The following LARGE1 variants were observed in gnomAD, a reference collection of about 807,000 sequenced individuals.
LARGE1 encodes the protein LARGE xylosyl- and glucuronyltransferase 1, also known as xylosyl- and glucuronyltransferase LARGE1.
A neutral mutation model predicts 87.6 loss-of-function variants in LARGE1; 43 were observed. The ratio of observed to expected loss-of-function variants is 0.49; its 90% CI spans 0.38 to 0.63. The LOEUF (loss-of-function observed/expected upper bound fraction) is 0.63, where lower values mean the gene tolerates loss of function less well. Ranked by LOEUF, LARGE1 falls within the 30% of genes least tolerant of loss-of-function variation. The pLI, the probability that LARGE1 is intolerant of heterozygous loss-of-function variation, is 0.00. For synonymous variants in LARGE1, 434 were observed against 394.6 expected (o/e 1.10, Z -1.18); for missense variants, 802 against 1,000.2 (o/e 0.80, Z 2.67).
At chr22:33,533,936 C>T (rs2076967975) in intron 6 of LARGE1, among the ~76,000 whole-genome samples, 1 of 149,058 alleles carries the variant, frequency 6.7e-6, no homozygotes. Flanking sequence ...TTGACTGTTT[C>T]CTATCCATTT....
At chr22:33,142,296 C>T in the LARGE1 span, among the ~76,000 whole-genome samples, 2 of 152,156 alleles carry the variant, frequency 1.3e-5, no homozygotes, top group African/African-American at 4.8e-5. Flanking sequence ...ACCTTCCAGA[C>T]CACAATGGAT....
At position 33,362,946 on chromosome 22, in the gene LARGE1, C is replaced by A. The variant is rs529798618; in HGVS notation, c.1131+18973G>T. Among the ~76,000 whole-genome samples the A allele has an allele frequency of 2.0e-5, 3 of 150,168 alleles. No homozygotes were observed. In the East Asian group the frequency reaches 5.8e-4, roughly 29 times the overall value. Reference sequence around the variant, plus strand: ...AGAAGATGCATGAGGGTGGTTTATGCAAGATAATACAGCACTCAATTAGCA... The same window carrying A: ...AGAAGATGCATGAGGGTGGTTTATGAAAGATAATACAGCACTCAATTAGCA... On this transcript the variant is annotated intron_variant, in intron 9 of 14. Coordinates refer to ENST00000397394, the MANE Select transcript of LARGE1 (RefSeq NM_133642.5).
chr22:33,403,949 T>C (rs80033636), intron 7 of LARGE1, among the ~76,000 whole-genome samples: 7,343 of 152,294 alleles, frequency 0.048, 258 homozygotes, highest in Non-Finnish European at 0.067. Flanking sequence ...AAAATAGTTA[T>C]GATGATATTA....
intron 5 of LARGE1, among the ~76,000 whole-genome samples, chr22:33,603,652 G>A (rs1165113130): frequency 1.3e-5 from 2 of 152,174 alleles, no homozygotes; most frequent in East Asian, 3.9e-4. Flanking sequence ...CTCAAACACA[G>A]AAGAGGGGGC....
chr22:33,364,059 A>AT lies in LARGE1; in HGVS notation c.1131+17859dup, dbSNP rs11330217. On this transcript the variant is annotated intron_variant, in intron 9 of 14. Transcript: ENST00000397394. ...TGGTCAAAGTGCATCTTTGCTATATATTTTTTTTTTTTTGAGACGGAGTCT... is the reference window on the plus strand; with the variant it reads ...TGGTCAAAGTGCATCTTTGCTATATATTTTTTTTTTTTTTGAGACGGAGTCT... Among the ~76,000 whole-genome samples, 98 of 140,280 alleles carry AT rather than the reference A, an allele frequency of 7.0e-4. 2 individuals are homozygous for AT. The highest frequency in any genetic ancestry group is 9.5e-4 in the South Asian group (4 of 4,200). The allele number at this position is 140,280 out of a possible 152,430, so 92.0% of individuals were successfully genotyped here. A position where few individuals can be genotyped will look rare whatever the true frequency, so the allele number is the denominator to read the frequency against.
intron 2 of LARGE1, among the ~76,000 whole-genome samples, chr22:33,712,736 C>A (rs2082773866): frequency 6.7e-6 from 1 of 149,400 alleles, no homozygotes; most frequent in South Asian, 2.1e-4. Flanking sequence ...AGCCACTAAC[C>A]TACTAGTCTC....
chr22:33,374,110 C>G (rs556070057), intron 9 of LARGE1, among the ~76,000 whole-genome samples: 2 of 152,130 alleles, frequency 1.3e-5, no homozygotes, highest in Admixed American at 6.5e-5. Context: ...ACTTCCCGTG[C>G]TATTACTAAG....
chr22:33,204,732 C>T (rs1924592622), intron 11 of LARGE1, among the ~76,000 whole-genome samples: 1 of 152,116 alleles, frequency 6.6e-6, no homozygotes, highest in Non-Finnish European at 1.5e-5. Context: ...TTCCCATTTT[C>T]ACACAGCAAA....
intron 4 of LARGE1, among the ~76,000 whole-genome samples, chr22:33,605,855 C>T (rs1409659443): frequency 1.3e-5 from 2 of 152,064 alleles, no homozygotes; most frequent in Non-Finnish European, 2.9e-5. Flanking sequence ...CAAAAGAACA[C>T]AAAGTTCCAC....
Position 33,903,993 on chromosome 22 carries a change from T to C in LARGE1, c.-83+16002A>G, listed in dbSNP as rs550655541. Among the ~76,000 whole-genome samples the C allele has an allele frequency of 6.0e-4, 91 of 152,266 alleles. No homozygotes were observed. In the Middle Eastern group the frequency reaches 0.024, roughly 40 times the overall value. ...ACAGTCAAAAGGTTTTATAGAGACCTGTGGTCTCTTTTGTATGACTTCTAG... is the reference window on the plus strand; with the variant it reads ...ACAGTCAAAAGGTTTTATAGAGACCCGTGGTCTCTTTTGTATGACTTCTAG... On this transcript the variant is annotated intron_variant, in intron 1 of 14. Coordinates refer to ENST00000397394, the MANE Select transcript of LARGE1 (RefSeq NM_133642.5).
intron 2 of LARGE1, among the ~76,000 whole-genome samples, chr22:33,729,474 G>T (rs2083384869): frequency 6.6e-6 from 1 of 152,204 alleles, no homozygotes; most frequent in African/African-American, 2.4e-5. Flanking sequence ...AAATTTACTT[G>T]CTGTGCTCAA....
intron 11 of LARGE1, among the ~76,000 whole-genome samples, chr22:33,224,223 G>A (rs569135539): frequency 6.6e-6 from 1 of 151,996 alleles, no homozygotes; most frequent in South Asian, 2.1e-4. Flanking sequence ...CCGAGATCGC[G>A]CCACTGCACT....
chr22:33,870,613 G>C (rs2064248451), intron 1 of LARGE1, among the ~76,000 whole-genome samples: 1 of 152,062 alleles, frequency 6.6e-6, no homozygotes, highest in Non-Finnish European at 1.5e-5. Context: ...CTGTTGCCCA[G>C]GCTGGAGTAC....
chr22:33,578,412 TG>T (rs1276624832), intron 5 of LARGE1, among the ~76,000 whole-genome samples: 3 of 152,184 alleles, frequency 2.0e-5, no homozygotes, highest in African/African-American at 7.2e-5. Context: ...ACTCATTGTG[TG>T]TGCCAAATTC....
chr22:33,180,235 T>A (rs1923091476), intron 11 of LARGE1, among the ~76,000 whole-genome samples: 1 of 152,204 alleles, frequency 6.6e-6, no homozygotes, highest in African/African-American at 2.4e-5. Context: ...CCCTTCACAC[T>A]TGAGTGATGT....
intron 11 of LARGE1, among the ~76,000 whole-genome samples, chr22:33,241,100 C>T (rs1240332211): frequency 6.6e-6 from 1 of 152,174 alleles, no homozygotes; most frequent in African/African-American, 2.4e-5. Flanking sequence ...GGCATGCTGC[C>T]CGGTGTAGCT....
At chr22:33,490,767 T>C (rs1167419561) in intron 6 of LARGE1, among the ~76,000 whole-genome samples, 1 of 152,210 alleles carries the variant, frequency 6.6e-6, no homozygotes, top group African/African-American at 2.4e-5. Flanking sequence ...CATTCAAATA[T>C]GGTGGAGATG....
the LARGE1 span, among the ~76,000 whole-genome samples, chr22:33,068,128 A>G: frequency 6.6e-6 from 1 of 152,296 alleles, no homozygotes; most frequent in East Asian, 1.9e-4. Flanking sequence ...AGAGAAAACC[A>G]TGGCTTTTTA....
At chr22:33,525,020 G>A (rs1328304092) in intron 6 of LARGE1, among the ~76,000 whole-genome samples, 2 of 152,144 alleles carry the variant, frequency 1.3e-5, no homozygotes, top group Admixed American at 6.5e-5. Flanking sequence ...CAGGTCTTCT[G>A]GTTTAGGAAG....
Sources: gnomAD v4.1 joint callset for allele counts (sites outside exome capture counted in the v4.1 genomes callset) on GRCh38, gnomAD v4.1.1 for gene constraint, MANE v1.5 for transcripts, NCBI Gene and HGNC (gene_info 2026-07-23, HGNC 2026-07-21) for gene names.